GABRB2: variants seen among roughly 807,000 people sequenced by gnomAD.
GABRB2 encodes the protein gamma-aminobutyric acid type A receptor subunit beta2, also known as gamma-aminobutyric acid receptor subunit beta-2.
Under a neutral mutation model 54.7 loss-of-function variants are expected in GABRB2, and 16 were observed. The observed-to-expected ratio is 0.29, with a 90% CI of 0.20 to 0.44. The LOEUF (loss-of-function observed/expected upper bound fraction) is 0.44. Ranked by LOEUF, GABRB2 falls within the 20% of genes least tolerant of loss-of-function variation. The pLI is 1.00. For synonymous variants in GABRB2, 244 were observed against 233.8 expected, an observed-to-expected ratio of 1.04 and a Z score of -0.40; for missense variants, 355 against 644.0, an observed-to-expected ratio of 0.55 and a Z score of 4.86.
At chr5:161,309,699 C>T (rs1459689424) in intron 9 of GABRB2, among the ~76,000 whole-genome samples, 3 of 150,704 alleles carry the variant, frequency 2.0e-5, no homozygotes, top group Non-Finnish European at 2.9e-5. Flanking sequence ...GGCGTGATCT[C>T]GGCTCACTGC....
At chr5:161,513,910 T>C (rs1759856665) in intron 3 of GABRB2, among the ~76,000 whole-genome samples, 1 of 152,158 alleles carries the variant, frequency 6.6e-6, no homozygotes, top group African/African-American at 2.4e-5. Context: ...TTAACTACAA[T>C]GAAGCTGGAG....
intron 3 of GABRB2, among the ~76,000 whole-genome samples, chr5:161,479,444 T>C (rs1471538824): frequency 6.6e-6 from 1 of 152,050 alleles, no homozygotes; most frequent in African/African-American, 2.4e-5. Context: ...TATATAGACA[T>C]GAATTTCAGT....
At chr5:161,379,801 G>T (rs983804356) in intron 5 of GABRB2, among the ~76,000 whole-genome samples, 4 of 152,080 alleles carry the variant, frequency 2.6e-5, no homozygotes, top group Non-Finnish European at 5.9e-5. Context: ...AATTGTAAAT[G>T]CAGCTTCCAG....
intron 5 of GABRB2, among the ~76,000 whole-genome samples, chr5:161,385,374 G>A (rs1755592766): frequency 6.6e-6 from 1 of 152,108 alleles, no homozygotes; most frequent in Admixed American, 6.5e-5. Context: ...CTCATCTGTG[G>A]TAATATGTAG....
At chr5:161,407,547 A>G (rs191181055) in intron 5 of GABRB2, among the ~76,000 whole-genome samples, 32 of 152,248 alleles carry the variant, frequency 2.1e-4, no homozygotes, top group African/African-American at 7.7e-4. Context: ...ATTCCTAAAC[A>G]GCAAGTACAT....
intron 9 of GABRB2, among the ~76,000 whole-genome samples, chr5:161,304,029 A>C (rs529764925): frequency 1.3e-5 from 2 of 152,288 alleles, no homozygotes; most frequent in East Asian, 3.9e-4. Flanking sequence ...AAGTATTCCA[A>C]ACAATACTTA....
At chr5:161,469,346 T>C (rs889729644) in intron 3 of GABRB2, among the ~76,000 whole-genome samples, 2 of 151,932 alleles carry the variant, frequency 1.3e-5, no homozygotes, top group Non-Finnish European at 2.9e-5. Flanking sequence ...TTTAGGCTTG[T>C]TATTAACAAA....
At position 161,297,822 on chromosome 5, in the gene GABRB2, G is replaced by A. The variant is rs993708970; in HGVS notation, c.1192-3394C>T. 9.2e-5 allele frequency among the ~76,000 whole-genome samples: 14 copies of A among 152,166 alleles called. 1 individual carries two copies. Among genetic ancestry groups the A allele is most frequent in the East Asian group, 7.7e-4 (4 of 5,180 alleles). ...CGGTAATGGGATTGCTGGGTCAAGCGGTATTTCTGGTTCTAGGTCTTTTAG... is the reference window on the plus strand; with the variant it reads ...CGGTAATGGGATTGCTGGGTCAAGCAGTATTTCTGGTTCTAGGTCTTTTAG... On this transcript the variant is annotated intron_variant, in intron 9 of 9. Transcript: ENST00000393959.
At chr5:161,389,112 G>T (rs1435109726) in intron 5 of GABRB2, among the ~76,000 whole-genome samples, 1 of 151,896 alleles carries the variant, frequency 6.6e-6, no homozygotes, top group Non-Finnish European at 1.5e-5. Flanking sequence ...TATAAAATTG[G>T]ATTGTTAAAC....
chr5:161,336,805 T>TA, intron 5 of GABRB2, 36 bp from the exon 6 acceptor site: 2 of 1,399,422 alleles, frequency 1.4e-6, no homozygotes, highest in Non-Finnish European at 1.9e-6. Flanking sequence ...CACACACAAA[T>TA]ACAGAAAACA....
chr5:161,318,888 A>G (rs1170457883), intron 9 of GABRB2, among the ~76,000 whole-genome samples: 3 of 152,052 alleles, frequency 2.0e-5, no homozygotes, highest in Admixed American at 2.0e-4. Flanking sequence ...AAATCTTATT[A>G]CTGTGAAAAG....
intron 3 of GABRB2, among the ~76,000 whole-genome samples, chr5:161,524,271 A>G (rs1760205138): frequency 1.3e-5 from 2 of 151,176 alleles, no homozygotes; most frequent in Non-Finnish European, 3.0e-5. Context: ...CTACAAAGCA[A>G]ACTTGAACAT....
At chr5:161,413,531 A>G (rs139076980) in intron 4 of GABRB2, among the ~76,000 whole-genome samples, 1 of 152,252 alleles carries the variant, frequency 6.6e-6, no homozygotes, top group East Asian at 1.9e-4. Context: ...CACTTGGCTA[A>G]ATTTCTCACT....
At position 161,426,671 on chromosome 5, in the gene GABRB2, A is replaced by G. The variant is rs190774903; in HGVS notation, c.459-15614T>C. 3.2e-4 allele frequency among the ~76,000 whole-genome samples: 49 copies of G among 152,196 alleles called. 3 individuals carry two copies. Among genetic ancestry groups the G allele is most frequent in the Non-Finnish European group, 1.5e-5 (1 of 67,982 alleles). ...AAGCAGAATGAAATGAATCATAATAAAAAGAAACTGGGTCTCATTTTAAAG... is the reference window on the plus strand; with the variant it reads ...AAGCAGAATGAAATGAATCATAATAGAAAGAAACTGGGTCTCATTTTAAAG... On this transcript the variant is annotated intron_variant, in intron 4 of 9. Transcript: ENST00000393959.
At chr5:161,543,410 G>A (rs1328595192) in intron 3 of GABRB2, among the ~76,000 whole-genome samples, 1 of 152,146 alleles carries the variant, frequency 6.6e-6, no homozygotes, top group Non-Finnish European at 1.5e-5. Context: ...CTAACCTACT[G>A]CAGCAACCTC....
chr5:161,369,814 C>T (rs1239334990), intron 5 of GABRB2, among the ~76,000 whole-genome samples: 1 of 152,146 alleles, frequency 6.6e-6, no homozygotes, highest in Non-Finnish European at 1.5e-5. Flanking sequence ...TCTTATCTGT[C>T]TTTCTTCAGT....
intron 7 of GABRB2, among the ~76,000 whole-genome samples, chr5:161,332,390 C>T (rs1234503172): frequency 6.6e-6 from 1 of 152,070 alleles, no homozygotes; most frequent in Admixed American, 6.5e-5. Context: ...GACAATTAGG[C>T]ATATAATGCC....
At chr5:161,415,809 C>T (rs185639377) in intron 4 of GABRB2, among the ~76,000 whole-genome samples, 3 of 152,194 alleles carry the variant, frequency 2.0e-5, no homozygotes, top group Non-Finnish European at 2.9e-5. Context: ...GATGGGGTTT[C>T]GCTATGTTGG....
intron 6 of GABRB2, among the ~76,000 whole-genome samples, 166 bp downstream of exon 6, chr5:161,336,466 T>C (rs1202690934): frequency 1.3e-5 from 2 of 152,130 alleles, no homozygotes; most frequent in African/African-American, 4.8e-5. Context: ...AATAATAGTA[T>C]GGGTCCCGAG....
Sources: allele counts gnomAD v4.1 joint callset (sites outside exome capture counted in the v4.1 genomes callset), GRCh38; gene constraint gnomAD v4.1.1; transcripts MANE v1.5; gene names NCBI Gene and HGNC (gene_info 2026-07-23, HGNC 2026-07-21).